AUTS2: variants seen among roughly 807,000 people sequenced by gnomAD.
AUTS2 encodes activator of transcription and developmental regulator AUTS2.
A neutral mutation model predicts 112.4 loss-of-function variants in AUTS2; 17 were observed. The observed-to-expected ratio is 0.15, with a 90% CI of 0.10 to 0.23. The LOEUF (loss-of-function observed/expected upper bound fraction) is 0.23. Among genes scored for constraint, AUTS2 ranks in the 10% least tolerant of loss-of-function variants. The pLI is 1.00. For missense variants in AUTS2, 1,510 were observed against 1,701.6 expected (o/e 0.89, Z 1.98); for synonymous variants, 751 against 702.7 (o/e 1.07, Z -1.09).
chr7:70,155,621 G>A (rs1242368195), intron 4 of AUTS2, among the ~76,000 whole-genome samples: 1 of 152,004 alleles, frequency 6.6e-6, no homozygotes, highest in East Asian at 1.9e-4. Flanking sequence ...AGAAATCAAA[G>A]GCTGTGAAGG....
intron 1 of AUTS2, among the ~76,000 whole-genome samples, chr7:69,684,442 G>A (rs962524752): frequency 6.6e-6 from 1 of 152,104 alleles, no homozygotes; most frequent in Non-Finnish European, 1.5e-5. Context: ...ACACCCTGTT[G>A]CCGTTTATGT....
intron 4 of AUTS2, among the ~76,000 whole-genome samples, chr7:70,243,203 T>G (rs756636738): frequency 7.3e-5 from 11 of 151,390 alleles, no homozygotes; most frequent in Non-Finnish European, 1.3e-4. Context: ...AGTTTTCCTT[T>G]AAAAAATAGA....
chr7:69,778,227 C>CATAT (rs1411002679), intron 1 of AUTS2, among the ~76,000 whole-genome samples: 3 of 139,028 alleles, frequency 2.2e-5, no homozygotes, highest in South Asian at 4.8e-4. Context: ...GCCTTATCCC[C>CATAT]ATATATATAT....
intron 5 of AUTS2, among the ~76,000 whole-genome samples, chr7:70,506,498 C>G (rs1798967135): frequency 6.6e-6 from 1 of 152,212 alleles, no homozygotes; most frequent in Non-Finnish European, 1.5e-5. Context: ...AACCATCTGC[C>G]TATTACTGCC....
intron 4 of AUTS2, among the ~76,000 whole-genome samples, chr7:70,177,612 G>C (rs937159757): frequency 4.6e-5 from 7 of 152,124 alleles, no homozygotes; most frequent in African/African-American, 7.2e-5. Context: ...ATATTTTACA[G>C]CTAGTGATAA....
chr7:70,232,691 T>C (rs1234854903), intron 4 of AUTS2, among the ~76,000 whole-genome samples: 1 of 152,224 alleles, frequency 6.6e-6, no homozygotes, highest in Admixed American at 6.5e-5. Context: ...GGGGTCTTGC[T>C]TTTTTAAACT....
At chr7:70,563,569 A>G (rs553008588) in intron 5 of AUTS2, among the ~76,000 whole-genome samples, 1 of 152,162 alleles carries the variant, frequency 6.6e-6, no homozygotes, top group Admixed American at 6.5e-5. Flanking sequence ...GGCCTCATGC[A>G]CCCTTGAGGT....
intron 1 of AUTS2, among the ~76,000 whole-genome samples, chr7:69,803,029 T>C (rs1388018770): frequency 1.3e-5 from 2 of 152,230 alleles, no homozygotes; most frequent in African/African-American, 2.4e-5. Flanking sequence ...AAAATGTCGT[T>C]GTCCACATGA....
At chr7:70,467,815 C>T (rs1052526031) in intron 5 of AUTS2, among the ~76,000 whole-genome samples, 3 of 152,146 alleles carry the variant, frequency 2.0e-5, no homozygotes, top group South Asian at 4.1e-4. Flanking sequence ...GACTGTGGTC[C>T]GAAGCCAGCA....
intron 2 of AUTS2, among the ~76,000 whole-genome samples, chr7:70,100,594 A>G (rs1804433454): frequency 6.7e-6 from 1 of 149,088 alleles, no homozygotes; most frequent in South Asian, 2.2e-4. Flanking sequence ...CCACCCCACA[A>G]TAGGCCCTGG....
In AUTS2 at chr7:70,177,122, A is replaced by G. The variant is rs113518215; in HGVS notation, c.660+42551A>G. Among the ~76,000 whole-genome samples the G allele has an allele frequency of 4.2e-4, 64 of 152,328 alleles. 5 individuals are homozygous for G. Among genetic ancestry groups the G allele is most frequent in the African/African-American group, 1.4e-3 (60 of 41,582 alleles). On this transcript the variant is annotated intron_variant, in intron 4 of 18. Transcript: ENST00000342771. ...TTGCCCTTAGTTTTTTGAAATTTCA[A>G]AGGAGGCAATCTCTCTGTCAATAAA...
At chr7:69,765,832 A>G (rs1293761036) in intron 1 of AUTS2, among the ~76,000 whole-genome samples, 4 of 152,120 alleles carry the variant, frequency 2.6e-5, no homozygotes, top group Non-Finnish European at 5.9e-5. Context: ...CTGTAGTCCC[A>G]GGTACTTTCG....
chr7:69,654,933 G>T (rs1795455957), intron 1 of AUTS2, among the ~76,000 whole-genome samples: 1 of 152,096 alleles, frequency 6.6e-6, no homozygotes, highest in East Asian at 1.9e-4. Context: ...GGCTATAAGT[G>T]CTCTTGCTTT....
At chr7:70,160,996 T>C (rs1005227229) in intron 4 of AUTS2, among the ~76,000 whole-genome samples, 5 of 152,198 alleles carry the variant, frequency 3.3e-5, no homozygotes, top group African/African-American at 9.6e-5. Context: ...ACAGAACTTG[T>C]GCGTTCCTGA....
intron 6 of AUTS2, among the ~76,000 whole-genome samples, chr7:70,721,308 G>T (rs1786654780): frequency 6.6e-6 from 1 of 151,158 alleles, no homozygotes; most frequent in African/African-American, 2.4e-5. Context: ...GTGTGTGTGT[G>T]TGTGTTTCCG....
intron 3 of AUTS2, among the ~76,000 whole-genome samples, chr7:70,124,769 G>T (rs879898302): frequency 1.3e-5 from 2 of 152,018 alleles, no homozygotes; most frequent in Non-Finnish European, 2.9e-5. Context: ...TACCATGTTG[G>T]CCAGGATGGT....
At chr7:70,091,173 A>G (rs1239217511) in intron 2 of AUTS2, among the ~76,000 whole-genome samples, 1 of 152,190 alleles carries the variant, frequency 6.6e-6, no homozygotes, top group Non-Finnish European at 1.5e-5. Flanking sequence ...TTTTTAAGTA[A>G]GAAAATTAGG....
rs371215715 is a variant in AUTS2 at position 69,608,640 on chromosome 7, A to G, written c.309+8678A>G. On this transcript the variant is annotated intron_variant, in intron 1 of 18. Coordinates refer to ENST00000342771, the MANE Select transcript of AUTS2 (RefSeq NM_015570.4). ...TAAGAATGAAGATGTGGATAGCACAATAATTGAACATTAGATTATTACTTG... is the reference window on the plus strand; with the variant it reads ...TAAGAATGAAGATGTGGATAGCACAGTAATTGAACATTAGATTATTACTTG... 1.8e-3 allele frequency among the ~76,000 whole-genome samples: 274 copies of G among 152,370 alleles called. 17 individuals are homozygous for G. In the South Asian group the frequency reaches 0.054, roughly 30 times the overall value.
At chr7:69,844,414 T>C (rs981564630) in intron 1 of AUTS2, among the ~76,000 whole-genome samples, 1 of 152,308 alleles carries the variant, frequency 6.6e-6, no homozygotes, top group Non-Finnish European at 1.5e-5. Flanking sequence ...TGTGGTCTTC[T>C]AGCTTTCAGT....
Sources: gnomAD v4.1 joint callset for allele counts (sites outside exome capture counted in the v4.1 genomes callset) on GRCh38, gnomAD v4.1.1 for gene constraint, MANE v1.5 for transcripts, NCBI Gene and HGNC (gene_info 2026-07-23, HGNC 2026-07-21) for gene names.